The following RB1 variants were observed in gnomAD, a reference collection of about 807,000 sequenced individuals.
The protein encoded by RB1 is retinoblastoma-associated protein.
Under a neutral mutation model 135.4 loss-of-function variants are expected in RB1, and 18 were observed. The observed-to-expected ratio is 0.13, with a 90% CI of 0.09 to 0.20. RB1 has a LOEUF of 0.20. RB1 is among the 10% of genes least tolerant of loss of function. The probability of loss-of-function intolerance (pLI) is 1.00; values close to 1 mark genes in which losing one functional copy is unlikely to be tolerated. For missense variants in RB1, 868 were observed against 1,110.0 expected (o/e 0.78, Z 3.10); for synonymous variants, 365 against 373.2 (o/e 0.98, Z 0.25).
intron 17 of RB1, among the ~76,000 whole-genome samples, chr13:48,410,019 C>G (rs1312641219): frequency 1.3e-5 from 2 of 152,006 alleles, no homozygotes; most frequent in African/African-American, 4.8e-5. Flanking sequence ...GTTATTTGGC[C>G]TTGTAGTTTT....
chr13:48,319,429 C>T lies in RB1; in HGVS notation c.264+12023C>T. 1 of 369,262 alleles carries T rather than the reference C, an allele frequency of 2.7e-6. No homozygotes were observed. Among genetic ancestry groups the T allele is most frequent in the Non-Finnish European group, 5.1e-6 (1 of 196,618 alleles). 22.9% of individuals were successfully genotyped at this position (369,262 alleles called of 1,614,324 possible). A position where few individuals can be genotyped will look rare whatever the true frequency, so the allele number is the denominator to read the frequency against. Reference sequence around the variant, plus strand: ...GAGTCTGACGCCTCGGGCGCCTGCGCCGCACTTGTGACTTGCTTTCCCCTT... The same window carrying T: ...GAGTCTGACGCCTCGGGCGCCTGCGTCGCACTTGTGACTTGCTTTCCCCTT... On this transcript the variant is annotated intron_variant, in intron 2 of 26. Coordinates refer to ENST00000267163, the MANE Select transcript of RB1 (RefSeq NM_000321.3). This position sits in a 1 kb window ranked among gnomAD's most constrained non-coding sequence, Gnocchi z 5.0.
chr13:48,354,248 A>G (rs1952572069), intron 6 of RB1, among the ~76,000 whole-genome samples: 1 of 152,194 alleles, frequency 6.6e-6, no homozygotes. Flanking sequence ...TGAAGGATAG[A>G]AAATCAACAT....
chr13:48,386,883 C>T (rs76012801), intron 17 of RB1, among the ~76,000 whole-genome samples: 3,622 of 152,148 alleles, frequency 0.024, 157 homozygotes, highest in African/African-American at 0.083. Context: ...GTAAGATATT[C>T]ATTAAAAGTT....
chr13:48,465,524 G>T (rs879199826), intron 23 of RB1, among the ~76,000 whole-genome samples, 156 bp downstream of exon 23: 4 of 152,204 alleles, frequency 2.6e-5, no homozygotes, highest in Non-Finnish European at 2.9e-5. Flanking sequence ...TGGGGGCGGG[G>T]TGAAGAAAAT....
intron 21 of RB1, among the ~76,000 whole-genome samples, chr13:48,464,533 G>T (rs1323363355): frequency 6.6e-6 from 1 of 152,104 alleles, no homozygotes; most frequent in African/African-American, 2.4e-5. Flanking sequence ...TCTACTTCTT[G>T]CAATTGCGTA....
intron 2 of RB1, among the ~76,000 whole-genome samples, chr13:48,316,433 CAG>C (rs796985206): frequency 3.9e-5 from 6 of 152,202 alleles, no homozygotes; most frequent in African/African-American, 1.2e-4. Context: ...CAAAAAACAT[CAG>C]AGTCTCTGTG....
At chr13:48,394,641 T>TG (rs1948634297) in intron 17 of RB1, among the ~76,000 whole-genome samples, 1 of 152,198 alleles carries the variant, frequency 6.6e-6, no homozygotes, top group South Asian at 2.1e-4. Flanking sequence ...AAGTTCAAAC[T>TG]GGGCAGAGCC....
At chr13:48,394,496 C>A (rs1288699099) in intron 17 of RB1, among the ~76,000 whole-genome samples, 4 of 152,186 alleles carry the variant, frequency 2.6e-5, no homozygotes, top group African/African-American at 7.2e-5. Context: ...AAGCTAAGAT[C>A]CACTGGCTTG....
chr13:48,384,782 C>T (rs1948560773), intron 17 of RB1, among the ~76,000 whole-genome samples: 1 of 152,012 alleles, frequency 6.6e-6, no homozygotes, highest in Non-Finnish European at 1.5e-5. Flanking sequence ...GCTTGACAGC[C>T]TTGAGATAAA....
At chr13:48,410,814 A>G (rs1436031426) in intron 17 of RB1, among the ~76,000 whole-genome samples, 2 of 152,176 alleles carry the variant, frequency 1.3e-5, no homozygotes, top group African/African-American at 2.4e-5. Context: ...AATGTTATCA[A>G]TGTGTTACTG....
chr13:48,343,582 T>C (rs1312457378), intron 3 of RB1, among the ~76,000 whole-genome samples: 1 of 152,190 alleles, frequency 6.6e-6, no homozygotes, highest in African/African-American at 2.4e-5. Flanking sequence ...CACTCACTGC[T>C]TCTCTCCCTT....
chr13:48,343,331 T>A (rs1430369909), intron 3 of RB1, among the ~76,000 whole-genome samples: 1 of 152,170 alleles, frequency 6.6e-6, no homozygotes. Context: ...TTTACAAAAA[T>A]GCAACAGTAT....
At chr13:48,434,694 C>T (rs1448477696) in intron 17 of RB1, among the ~76,000 whole-genome samples, 1 of 152,160 alleles carries the variant, frequency 6.6e-6, no homozygotes, top group East Asian at 1.9e-4. Context: ...TCCATGTATC[C>T]ACCACCACAA....
intron 3 of RB1, among the ~76,000 whole-genome samples, chr13:48,343,034 A>C (rs1320274070): frequency 1.3e-5 from 2 of 152,172 alleles, no homozygotes; most frequent in Non-Finnish European, 2.9e-5. Context: ...CTTGTTTTAT[A>C]TTAAAACCTT....
chr13:48,458,285 C>CT (rs1290867503), intron 19 of RB1, among the ~76,000 whole-genome samples: 2 of 5,432 alleles, frequency 3.7e-4, no homozygotes, highest in Non-Finnish European at 8.3e-4. Flanking sequence ...GTAGCATTCT[C>CT]TGAGTGTGTA....
chr13:48,359,936 G>T, intron 6 of RB1, 81 bp from the exon 7 acceptor site: 1 of 1,564,836 alleles, frequency 6.4e-7, no homozygotes, highest in Non-Finnish European at 8.6e-7. Context: ...TAAATTTATG[G>T]ATATACTCTA....
At chr13:48,333,120 G>A (rs1952351182) in intron 2 of RB1, 1 of 397,922 alleles carries the variant, frequency 2.5e-6, no homozygotes, top group Non-Finnish European at 4.4e-6. Context: ...ACTTCTTATT[G>A]TATAGATGTA....
chr13:48,464,569 G>C (rs1457943328), intron 21 of RB1, among the ~76,000 whole-genome samples: 4 of 152,048 alleles, frequency 2.6e-5, no homozygotes, highest in Non-Finnish European at 4.4e-5. Context: ...CTTATAGATT[G>C]GGGGGGATAC....
chr13:48,327,074 C>T (rs1952293450), intron 2 of RB1, among the ~76,000 whole-genome samples: 1 of 151,484 alleles, frequency 6.6e-6, no homozygotes, highest in Non-Finnish European at 1.5e-5. Context: ...GTAAGAAAGC[C>T]AGTAGTTAAG....
Sources: gnomAD v4.1 joint callset for allele counts (sites outside exome capture counted in the v4.1 genomes callset) on GRCh38, gnomAD v4.1.1 for gene constraint, Gnocchi (gnomAD v3.1) non-coding constraint, MANE v1.5 for transcripts, NCBI Gene and HGNC (gene_info 2026-07-23, HGNC 2026-07-21) for gene names.